Variants in DCC observed in about 807,000 individuals in gnomAD.
The protein encoded by DCC is DCC netrin 1 receptor, also known as netrin receptor DCC.
DCC carries 58 observed loss-of-function variants against 172.5 expected under a neutral mutation model. That is an observed-to-expected ratio of 0.34 (90% CI 0.27 to 0.42). The LOEUF (loss-of-function observed/expected upper bound fraction) is 0.42, where lower values mean the gene tolerates loss of function less well. Among genes scored for constraint, DCC ranks in the 10% least tolerant of loss-of-function variants. The probability of loss-of-function intolerance (pLI) is 1.00; values close to 1 mark genes in which losing one functional copy is unlikely to be tolerated. For missense variants in DCC, 1,740 were observed against 1,791.0 expected (o/e 0.97, Z 0.51); for synonymous variants, 709 against 644.5 (o/e 1.10, Z -1.52).
chr18:52,783,256 G>GAT (rs1041618432), intron 2 of DCC, among the ~76,000 whole-genome samples: 438 of 142,462 alleles, frequency 3.1e-3, no homozygotes, highest in African/African-American at 0.011. Context: ...GTTTAACACC[G>GAT]ATTTAAACTC....
chr18:52,905,951 A>G lies in DCC; in HGVS notation c.413-93A>G. On this transcript the variant is annotated intron_variant, in intron 2 of 28. Coordinates refer to ENST00000442544, the MANE Select transcript of DCC (RefSeq NM_005215.4). ...TTGAGAAAACAGCTTGTAAAATATA[A>G]TTTTCTACAAAGAATACAAAGTGAT... is the stretch of plus-strand genomic sequence containing the variant. 3 of 922,348 alleles carry G rather than the reference A, an allele frequency of 3.3e-6. No homozygotes were observed. The Admixed American group carries it at 5.7e-5, about 18-fold the overall frequency. 57.1% of individuals were successfully genotyped at this position (922,348 alleles called of 1,614,324 possible). A position where few individuals can be genotyped will look rare whatever the true frequency, so the allele number is the denominator to read the frequency against.
chr18:53,131,563 G>C lies in DCC; in HGVS notation c.1262-25793G>C, dbSNP rs113956337. On this transcript the variant is annotated intron_variant, in intron 7 of 28. Coordinates refer to ENST00000442544, the MANE Select transcript of DCC (RefSeq NM_005215.4). ...TGACCTGGCTTTGTGTGTGATGGTT[G>C]ATGTGCGGGATCACAGGAAAAATTT... 9.6e-3 allele frequency among the ~76,000 whole-genome samples: 1,464 copies of C among 152,218 alleles called. 33 individuals are homozygous for C. The highest frequency in any genetic ancestry group is 0.033 in the African/African-American group (1,361 of 41,536).
intron 22 of DCC, among the ~76,000 whole-genome samples, chr18:53,437,141 A>G (rs1228428636): frequency 6.6e-6 from 1 of 152,136 alleles, no homozygotes; most frequent in East Asian, 1.9e-4. Flanking sequence ...TTTCCAGGCT[A>G]CTCACAACTT....
intron 1 of DCC, among the ~76,000 whole-genome samples, chr18:52,435,853 C>T (rs1787747): frequency 3.3e-5 from 5 of 152,082 alleles, no homozygotes; most frequent in Admixed American, 2.6e-4. Flanking sequence ...CTGTGAGTGA[C>T]GGAGCACCTG....
At chr18:52,669,763 T>A (rs768002531) in intron 1 of DCC, among the ~76,000 whole-genome samples, 14 of 152,096 alleles carry the variant, frequency 9.2e-5, no homozygotes, top group Non-Finnish European at 1.6e-4. Context: ...CCCACCTCCA[T>A]GGGGGTTACT....
At chr18:53,033,276 A>C (rs2042048833) in intron 5 of DCC, among the ~76,000 whole-genome samples, 1 of 152,140 alleles carries the variant, frequency 6.6e-6, no homozygotes, top group African/African-American at 2.4e-5. Context: ...AAGACAACCC[A>C]AGACCTTGCT....
chr18:53,289,992 A>G (rs1406943260), intron 12 of DCC, among the ~76,000 whole-genome samples: 1 of 152,210 alleles, frequency 6.6e-6, no homozygotes, highest in African/African-American at 2.4e-5. Flanking sequence ...ATTCAAAGCA[A>G]TAGAAATGAA....
Position 53,376,241 on chromosome 18 carries a change from G to A in DCC, c.2360-9802G>A, listed in dbSNP as rs573396005. Among the ~76,000 whole-genome samples the A allele has an allele frequency of 1.2e-4, 18 of 152,028 alleles. No individual in the cohort carries two copies. The South Asian group carries it at 1.7e-3, about 14-fold the overall frequency. On this transcript the variant is annotated intron_variant, in intron 15 of 28. Coordinates refer to ENST00000442544, the MANE Select transcript of DCC (RefSeq NM_005215.4). ...ACACTGTCTCTACTGAAAATCAGCC[G>A]GGCGTGTTGGTGGGTGCCTGTACTC...
At chr18:52,684,263 C>T (rs556555055) in intron 1 of DCC, among the ~76,000 whole-genome samples, 2 of 152,114 alleles carry the variant, frequency 1.3e-5, no homozygotes, top group South Asian at 4.1e-4. Flanking sequence ...TGCATTGAAG[C>T]AGTGAATAAG....
intron 2 of DCC, among the ~76,000 whole-genome samples, chr18:52,895,573 G>C (rs1021257024): frequency 6.6e-6 from 1 of 151,860 alleles, no homozygotes; most frequent in East Asian, 1.9e-4. Context: ...TATAATTTTC[G>C]CTCATTTAAA....
intron 2 of DCC, among the ~76,000 whole-genome samples, chr18:52,865,292 A>G (rs1284509976): frequency 2.6e-5 from 4 of 152,208 alleles, no homozygotes; most frequent in South Asian, 2.1e-4. Flanking sequence ...TAGTGCCACA[A>G]TAAACATACC....
At chr18:52,826,790 T>C (rs1442969760) in intron 2 of DCC, among the ~76,000 whole-genome samples, 1 of 152,164 alleles carries the variant, frequency 6.6e-6, no homozygotes, top group African/African-American at 2.4e-5. Flanking sequence ...AAAATATGTT[T>C]ATCATTTTAC....
At chr18:52,887,284 C>T (rs2039583448) in intron 2 of DCC, among the ~76,000 whole-genome samples, 2 of 151,916 alleles carry the variant, frequency 1.3e-5, no homozygotes, top group South Asian at 4.1e-4. Flanking sequence ...CCTCTTCTAG[C>T]ATTTAGAAAC....
intron 2 of DCC, among the ~76,000 whole-genome samples, chr18:52,849,647 T>C (rs1435162506): frequency 6.6e-6 from 1 of 152,162 alleles, no homozygotes; most frequent in East Asian, 1.9e-4. Context: ...GGCAACAGAA[T>C]ATGCCCCGAG....
intron 5 of DCC, among the ~76,000 whole-genome samples, chr18:52,980,959 T>TTTA (rs1336943127): frequency 1.4e-5 from 2 of 147,296 alleles, no homozygotes; most frequent in Non-Finnish European, 3.0e-5. Flanking sequence ...TTTTTTTTTT[T>TTTA]ACTAAATACA....
chr18:53,106,284 G>A (rs1055945603), intron 7 of DCC, among the ~76,000 whole-genome samples: 1 of 151,960 alleles, frequency 6.6e-6, no homozygotes, highest in African/African-American at 2.4e-5. Flanking sequence ...CAAATGCAGA[G>A]TGGAATGTCC....
chr18:52,725,644 C>T (rs1375919398), intron 1 of DCC, among the ~76,000 whole-genome samples: 1 of 152,082 alleles, frequency 6.6e-6, no homozygotes, highest in African/African-American at 2.4e-5. Flanking sequence ...AGGTATGCGA[C>T]TCATGGGAGA....
chr18:52,413,004 G>C (rs1247492074), intron 1 of DCC, among the ~76,000 whole-genome samples: 1 of 151,858 alleles, frequency 6.6e-6, no homozygotes, highest in Non-Finnish European at 1.5e-5. Context: ...GCTTACTTTT[G>C]ATAAACTCTA....
At chr18:52,525,192 G>T (rs1167676112) in intron 1 of DCC, among the ~76,000 whole-genome samples, 1 of 151,950 alleles carries the variant, frequency 6.6e-6, no homozygotes, top group African/African-American at 2.4e-5. Context: ...GTCCTGATTT[G>T]AAACCAAAGC....
Sources: allele counts gnomAD v4.1 joint callset (sites outside exome capture counted in the v4.1 genomes callset), GRCh38; gene constraint gnomAD v4.1.1; transcripts MANE v1.5; gene names NCBI Gene and HGNC (gene_info 2026-07-23, HGNC 2026-07-21).